Variants in SEC24B observed in about 807,000 individuals in gnomAD.
The protein encoded by SEC24B is protein transport protein Sec24B.
Under a neutral mutation model 142.8 loss-of-function variants are expected in SEC24B, and 45 were observed. The observed-to-expected ratio is 0.32, with a 90% CI of 0.25 to 0.40. The LOEUF is 0.40. Among genes scored for constraint, SEC24B ranks in the 10% least tolerant of loss-of-function variants. The pLI is 1.00. For missense variants in SEC24B, 1,409 were observed against 1,526.8 expected (o/e 0.92, Z 1.29); for synonymous variants, 574 against 568.2 (o/e 1.01, Z -0.15).
chr4:109,531,406 A>G lies in SEC24B; in HGVS notation c.3274A>G (p.Ser1092Gly). The G allele has an allele frequency of 6.2e-7, 1 of 1,612,950 alleles. No homozygotes were observed. The highest frequency in any genetic ancestry group is 1.1e-5 in the South Asian group (1 of 90,888). Residue 1092 changes from serine to glycine, a missense_variant, in exon 20 of 24, where the codon AGC (serine) becomes GGC (glycine). This residue lies in a region of SEC24B where 700 missense variants were observed against 853.3 expected (regional missense o/e 0.82). Coordinates refer to ENST00000265175, the MANE Select transcript of SEC24B (RefSeq NM_006323.5). ...GTAGAAAGCATTTAGAACGGGTACAAGCACACGGCTGGATGATCGTGTATA... is the reference window on the plus strand; with the variant it reads ...GTAGAAAGCATTTAGAACGGGTACAGGCACACGGCTGGATGATCGTGTATA... ...LKQKAFRTGTSTRLDDRVYAM... is the reference protein window; with the variant it reads ...LKQKAFRTGTGTRLDDRVYAM...
At chr4:109,520,067 AC>A (rs1723436903) in intron 11 of SEC24B, among the ~76,000 whole-genome samples, 1 of 152,234 alleles carries the variant, frequency 6.6e-6, no homozygotes. Context: ...GTAAAATTTT[AC>A]ACATTAAAAT....
intron 6 of SEC24B, among the ~76,000 whole-genome samples, chr4:109,500,670 C>A (rs1736034394): frequency 6.6e-6 from 1 of 151,960 alleles, no homozygotes; most frequent in East Asian, 1.9e-4. Flanking sequence ...AATTATTTTT[C>A]CTCCGGAGTC....
intron 11 of SEC24B, among the ~76,000 whole-genome samples, chr4:109,517,550 A>G (rs1402383910): frequency 1.3e-5 from 2 of 152,180 alleles, no homozygotes; most frequent in Non-Finnish European, 2.9e-5. Context: ...AGTTAATAGC[A>G]ATATATTGTA....
In SEC24B at chr4:109,442,193, T is replaced by C. The variant is rs79750955; in HGVS notation, c.133+8191T>C. ...TTAAAATATTCAGTAATCAGTACTG[T>C]GTATACTGACCACTAAATGGATACC... On this transcript the variant is annotated intron_variant, in intron 1 of 23. Transcript: ENST00000265175. 4.6e-3 allele frequency among the ~76,000 whole-genome samples: 707 copies of C among 152,264 alleles called. 4 individuals carry two copies. Among genetic ancestry groups the C allele is most frequent in the Middle Eastern group, 0.02 (6 of 294 alleles).
intron 2 of SEC24B, among the ~76,000 whole-genome samples, chr4:109,471,535 A>G (rs545564186): frequency 6.6e-6 from 1 of 152,246 alleles, no homozygotes; most frequent in South Asian, 2.1e-4. Context: ...TTTTAGTGAT[A>G]ATGTCAGTTA....
At chr4:109,456,345 T>G (rs1156464193) in intron 1 of SEC24B, among the ~76,000 whole-genome samples, 2 of 149,910 alleles carry the variant, frequency 1.3e-5, no homozygotes, top group African/African-American at 4.9e-5. Context: ...TTTTTTTTTT[T>G]TTTTTTTTAC....
intron 2 of SEC24B, among the ~76,000 whole-genome samples, chr4:109,470,524 A>G (rs1732403687): frequency 6.6e-6 from 1 of 152,168 alleles, no homozygotes; most frequent in Non-Finnish European, 1.5e-5. Flanking sequence ...TTTCCTACAG[A>G]GCTGTCCCCA....
chr4:109,494,793 A>G lies in SEC24B; in HGVS notation c.1425A>G (p.Ala475=). The change falls in exon 6 of 24, where the codon GCA becomes GCG. Residue 475 remains alanine, a synonymous_variant. Transcript: ENST00000265175. Reference sequence around the variant, plus strand: ...AGCCTGGTTATCAGAATGCTACAGCACCACTTATTTCTGGAGTACAGCCCA... The same window carrying G: ...AGCCTGGTTATCAGAATGCTACAGCGCCACTTATTTCTGGAGTACAGCCCA... The part of the protein sequence containing the change: ...TLQPGYQNAT[A]PLISGVQPSN... 2.5e-6 allele frequency: 4 copies of G among 1,614,176 alleles called. No individual in the cohort carries two copies. Among genetic ancestry groups the G allele is most frequent in the Non-Finnish European group, 3.4e-6 (4 of 1,180,014 alleles).
chr4:109,509,390 T>A (rs1206169469), intron 7 of SEC24B, among the ~76,000 whole-genome samples: 1 of 152,180 alleles, frequency 6.6e-6, no homozygotes, highest in Admixed American at 6.5e-5. Context: ...CATAAGTTAT[T>A]TGGCCAGGCA....
chr4:109,524,790 G>C (rs368897807), intron 14 of SEC24B, 28 bp from the exon 15 acceptor site: 6 of 1,586,814 alleles, frequency 3.8e-6, no homozygotes, highest in Non-Finnish European at 5.1e-6. Context: ...AAGATTGCTA[G>C]CTCTTACTAT....
At chr4:109,474,891 C>T (rs866686099) in intron 3 of SEC24B, among the ~76,000 whole-genome samples, 43 of 152,288 alleles carry the variant, frequency 2.8e-4, no homozygotes, top group Middle Eastern at 6.8e-3. Context: ...TTATTGAGCA[C>T]ATACAATATA....
At chr4:109,454,892 T>C (rs1459505475) in intron 1 of SEC24B, among the ~76,000 whole-genome samples, 2 of 152,252 alleles carry the variant, frequency 1.3e-5, no homozygotes, top group African/African-American at 2.4e-5. Flanking sequence ...AAAGAAAGAA[T>C]GTGTGCTCAG....
chr4:109,463,407 C>T lies in SEC24B; in HGVS notation c.640C>T (p.Gln214Ter), dbSNP rs1363676466. 6.2e-7 allele frequency: 1 copy of T among 1,614,220 alleles called. No individual in the cohort carries two copies. Among genetic ancestry groups the T allele is most frequent in the Non-Finnish European group, 8.5e-7 (1 of 1,180,038 alleles). Residue 214 changes from glutamine (Q) to a stop codon, truncating the protein, a stop_gained, in exon 2 of 24, where the codon CAG becomes TAG. Coordinates refer to ENST00000265175, the MANE Select transcript of SEC24B (RefSeq NM_006323.5). LOFTEE classifies it high-confidence loss of function. ...TACATATGGGCAAATGTTTACCTCA[C>T]AGAATGCTCCGACTGTTAGGCCAGT... ...GDTYGQMFTS[Q>*]NAPTVRPVKD...
intron 7 of SEC24B, among the ~76,000 whole-genome samples, chr4:109,509,041 G>A (rs1737023549): frequency 6.6e-6 from 1 of 152,166 alleles, no homozygotes; most frequent in South Asian, 2.1e-4. Context: ...AGAATAAGGA[G>A]TGCAGGTGGA....
At chr4:109,459,132 C>A (rs988513514) in intron 1 of SEC24B, among the ~76,000 whole-genome samples, 1 of 152,138 alleles carries the variant, frequency 6.6e-6, no homozygotes, top group Non-Finnish European at 1.5e-5. Flanking sequence ...AAAAATAGTT[C>A]TTTCTTGGAA....
intron 11 of SEC24B, among the ~76,000 whole-genome samples, chr4:109,518,142 A>G (rs1453825169): frequency 6.6e-6 from 1 of 152,018 alleles, no homozygotes; most frequent in African/African-American, 2.4e-5. Flanking sequence ...TAAGAAACTG[A>G]GCATTTTGTC....
At chr4:109,504,203 T>G (rs1277633598) in intron 6 of SEC24B, among the ~76,000 whole-genome samples, 1 of 152,208 alleles carries the variant, frequency 6.6e-6, no homozygotes, top group East Asian at 1.9e-4. Flanking sequence ...TGGACAGCAT[T>G]TCTTACATAA....
intron 18 of SEC24B, among the ~76,000 whole-genome samples, chr4:109,528,940 A>G (rs886248577): frequency 6.6e-6 from 1 of 152,198 alleles, no homozygotes; most frequent in Non-Finnish European, 1.5e-5. Flanking sequence ...AAGCAAGTGG[A>G]TCACTTAACT....
intron 1 of SEC24B, among the ~76,000 whole-genome samples, chr4:109,461,530 T>C (rs1371464562): frequency 6.6e-6 from 1 of 152,228 alleles, no homozygotes; most frequent in Non-Finnish European, 1.5e-5. Flanking sequence ...GATTTATATA[T>C]GCTAATACTT....
Sources: gnomAD v4.1 joint callset for allele counts (sites outside exome capture counted in the v4.1 genomes callset) on GRCh38, gnomAD v4.1.1 for gene constraint, gnomAD v4.1.1 regional missense constraint, MANE v1.5 for transcripts, NCBI Gene and HGNC (gene_info 2026-07-23, HGNC 2026-07-21) for gene names.